The following CDC14A variants were observed in gnomAD, a reference collection of about 807,000 sequenced individuals.
CDC14A encodes the protein dual specificity protein phosphatase CDC14A.
In CDC14A, 53 loss-of-function variants were observed where a neutral mutation model predicts 74.4. That is an observed-to-expected ratio of 0.71 (90% CI 0.57 to 0.89). The LOEUF is 0.89. Ranked by LOEUF, CDC14A falls within the 40% of genes least tolerant of loss-of-function variation. CDC14A has a pLI of 0.00. For missense variants in CDC14A, 646 were observed against 713.7 expected, an observed-to-expected ratio of 0.91 and a Z score of 1.08; for synonymous variants, 247 against 258.4, an observed-to-expected ratio of 0.96 and a Z score of 0.43.
chr1:100,476,053 G>A (rs1194533543), intron 10 of CDC14A, among the ~76,000 whole-genome samples: 1 of 152,114 alleles, frequency 6.6e-6, no homozygotes, highest in Non-Finnish European at 1.5e-5. Flanking sequence ...TTTCCTGTGG[G>A]GTTTGGCTGG....
chr1:100,427,432 A>G (rs1663087622), intron 5 of CDC14A, among the ~76,000 whole-genome samples: 1 of 152,182 alleles, frequency 6.6e-6, no homozygotes, highest in South Asian at 2.1e-4. Flanking sequence ...GTGAATTTAA[A>G]TAATGCTGTT....
At chr1:100,375,859 T>G (rs951117736) in intron 2 of CDC14A, among the ~76,000 whole-genome samples, 2 of 152,198 alleles carry the variant, frequency 1.3e-5, no homozygotes, top group Non-Finnish European at 2.9e-5. Context: ...GTATGTTTAT[T>G]GCGGCACTAT....
At chr1:100,490,484 A>AT (rs539857448) in intron 11 of CDC14A, among the ~76,000 whole-genome samples, 7 of 152,166 alleles carry the variant, frequency 4.6e-5, no homozygotes, top group African/African-American at 1.4e-4. Flanking sequence ...ATTTTAGTAG[A>AT]TTTTTTCAGA....
chr1:100,354,993 T>G (rs1651684666), intron 2 of CDC14A, among the ~76,000 whole-genome samples: 1 of 152,236 alleles, frequency 6.6e-6, no homozygotes. Context: ...TTAGTGGTGC[T>G]GGGAGGAGAA....
chr1:100,376,225 A>G (rs975888484), intron 2 of CDC14A, among the ~76,000 whole-genome samples: 23 of 152,198 alleles, frequency 1.5e-4, no homozygotes, highest in African/African-American at 4.3e-4. Context: ...TAGGTGCAAC[A>G]CACCAACATG....
intron 2 of CDC14A, among the ~76,000 whole-genome samples, chr1:100,356,118 T>C (rs369471132): frequency 3.9e-5 from 6 of 152,038 alleles, no homozygotes; most frequent in East Asian, 3.9e-4. Flanking sequence ...TCAGGGAACA[T>C]GTAGGGGATG....
intron 2 of CDC14A, among the ~76,000 whole-genome samples, chr1:100,357,741 C>G (rs1197556996): frequency 1.8e-5 from 2 of 108,662 alleles, no homozygotes; most frequent in Admixed American, 9.3e-5. Flanking sequence ...GAGACCCCAT[C>G]TCTTAAAAAA....
intron 8 of CDC14A, among the ~76,000 whole-genome samples, chr1:100,458,224 C>A (rs549018612): frequency 6.6e-6 from 1 of 152,028 alleles, no homozygotes; most frequent in Non-Finnish European, 1.5e-5. Flanking sequence ...TAATTGTTGG[C>A]GTGTGGATTC....
chr1:100,430,599 C>T (rs1443122086), intron 5 of CDC14A, among the ~76,000 whole-genome samples: 1 of 152,202 alleles, frequency 6.6e-6, no homozygotes, highest in Non-Finnish European at 1.5e-5. Flanking sequence ...TGGTCAACCA[C>T]TTAGGACTTG....
Position 100,352,588 on chromosome 1 carries a change from T to C in CDC14A, c.-367T>C. 9.1e-7 allele frequency: 1 copy of C among 1,096,744 alleles called. No individual in the cohort carries two copies. The highest frequency in any genetic ancestry group is 1.1e-6 in the Non-Finnish European group (1 of 900,490). The allele number at this position is 1,096,744 out of a possible 1,614,324, so 67.9% of individuals were successfully genotyped here. ...ACGGGCGCGATCGGGACCAGAAGTC[T>C]CCTCCTCCATGATCACTTTGGAAGC... On this transcript the variant is annotated 5_prime_UTR_variant, in exon 1 of 16. Coordinates refer to ENST00000336454, the MANE Select transcript of CDC14A (RefSeq NM_003672.4).
intron 15 of CDC14A, among the ~76,000 whole-genome samples, chr1:100,509,394 GT>G (rs1649522410): frequency 6.6e-6 from 1 of 152,154 alleles, no homozygotes; most frequent in Non-Finnish European, 1.5e-5. Flanking sequence ...CTTGATTGAG[GT>G]TAGAAAATGT....
chr1:100,484,593 T>A, intron 11 of CDC14A, 142 bp downstream of exon 11: 1 of 1,267,152 alleles, frequency 7.9e-7, no homozygotes. Context: ...TCCGTCTATA[T>A]AGCAAGAAGC....
chr1:100,397,416 G>A (rs150923156), intron 4 of CDC14A, among the ~76,000 whole-genome samples: 1 of 152,296 alleles, frequency 6.6e-6, no homozygotes, highest in East Asian at 1.9e-4. Flanking sequence ...TTAGATCATT[G>A]TAGCATCTAA....
At chr1:100,412,722 A>ATATATATATTTT (rs1491179433) in intron 4 of CDC14A, among the ~76,000 whole-genome samples, 1 of 73,938 alleles carries the variant, frequency 1.4e-5, no homozygotes, top group African/African-American at 1.1e-4. Flanking sequence ...ATATATATAT[A>ATATATATATTTT]TTTTATATAT....
rs1405746404 is a variant in CDC14A, at chr1:100,384,683, G to A, written c.217-6049G>A. Among the ~76,000 whole-genome samples, 63 of 152,160 alleles carry A rather than the reference G, an allele frequency of 4.1e-4. 1 individual carries two copies. The highest frequency in any genetic ancestry group is 4.1e-3 in the Admixed American group (63 of 15,278). ...AGATTTAGCAAATTGGTCACCTGTG[G>A]CCTGCATTCTGTCCACAGACATGTT... On this transcript the variant is annotated intron_variant, in intron 3 of 15. Coordinates refer to ENST00000336454, the MANE Select transcript of CDC14A (RefSeq NM_003672.4).
At chr1:100,355,416 A>G (rs557023031) in intron 2 of CDC14A, among the ~76,000 whole-genome samples, 1 of 152,302 alleles carries the variant, frequency 6.6e-6, no homozygotes, top group East Asian at 1.9e-4. Context: ...AAATTAAGCC[A>G]AACTAAACAC....
At chr1:100,463,050 G>A (rs557137659) in intron 9 of CDC14A, 169 bp downstream of exon 9, 5 of 601,712 alleles carry the variant, frequency 8.3e-6, no homozygotes, top group South Asian at 2.0e-5. Flanking sequence ...TTAAAGAAAC[G>A]ATTGCTTGGG....
intron 10 of CDC14A, among the ~76,000 whole-genome samples, chr1:100,474,694 AT>A (rs145456311): frequency 0.06 from 8,639 of 144,330 alleles, 833 homozygotes; most frequent in African/African-American, 0.21. Flanking sequence ...TAATTTGTGT[AT>A]TTTTTTTTCC....
At chr1:100,505,749 T>A (rs2101464466) in intron 15 of CDC14A, among the ~76,000 whole-genome samples, 1 of 152,288 alleles carries the variant, frequency 6.6e-6, no homozygotes, top group East Asian at 1.9e-4. Context: ...ACATTTTTAT[T>A]CGTCTGCTTT....
Sources: allele counts gnomAD v4.1 joint callset (sites outside exome capture counted in the v4.1 genomes callset), GRCh38; gene constraint gnomAD v4.1.1; transcripts MANE v1.5; gene names NCBI Gene and HGNC (gene_info 2026-07-23, HGNC 2026-07-21).